Variants in GALNT14 observed in about 807,000 individuals in gnomAD.
The protein encoded by GALNT14 is UDP-GalNAc:polypeptide N-acetylgalactosaminyltransferase 14.
Under a neutral mutation model 77.5 loss-of-function variants are expected in GALNT14, and 60 were observed. The ratio of observed to expected loss-of-function variants is 0.77; its 90% CI spans 0.63 to 0.96. The LOEUF (loss-of-function observed/expected upper bound fraction) is 0.96. GALNT14 is among the 40% of genes least tolerant of loss of function. The pLI, the probability that GALNT14 is intolerant of heterozygous loss-of-function variation, is 0.00. For missense variants in GALNT14, 710 were observed against 731.0 expected, an observed-to-expected ratio of 0.97 and a Z score of 0.33; for synonymous variants, 280 against 281.7, an observed-to-expected ratio of 0.99 and a Z score of 0.06.
chr2:30,962,459 G>T, intron 3 of GALNT14, among the ~76,000 whole-genome samples: 1 of 152,210 alleles, frequency 6.6e-6, no homozygotes, highest in East Asian at 1.9e-4. Flanking sequence ...ATGCCTCAGA[G>T]CCCCCATGGG....
At chr2:31,065,836 C>T (rs1451282314) in intron 1 of GALNT14, among the ~76,000 whole-genome samples, 3 of 152,194 alleles carry the variant, frequency 2.0e-5, no homozygotes, top group East Asian at 1.9e-4. Flanking sequence ...AAGAGGCAGA[C>T]CTGGGTTTGA....
At chr2:31,035,638 C>T (rs867480533) in intron 1 of GALNT14, among the ~76,000 whole-genome samples, 87 of 144,988 alleles carry the variant, frequency 6.0e-4, no homozygotes, top group South Asian at 1.3e-3. Flanking sequence ...CACACACACA[C>T]ACACACACAC....
chr2:30,987,823 C>T (rs1669404150), intron 2 of GALNT14, among the ~76,000 whole-genome samples: 1 of 151,750 alleles, frequency 6.6e-6, no homozygotes, highest in South Asian at 2.1e-4. Context: ...GCAGCACTTG[C>T]TCTAATGCTC....
intron 1 of GALNT14, among the ~76,000 whole-genome samples, chr2:31,113,631 G>C (rs140554269): frequency 1.1e-3 from 169 of 152,274 alleles, no homozygotes; most frequent in Non-Finnish European, 1.9e-3. Context: ...GCTCCTACAA[G>C]GTATAGGAGC....
At chr2:31,121,912 G>A (rs1015249180) in intron 1 of GALNT14, among the ~76,000 whole-genome samples, 2 of 152,140 alleles carry the variant, frequency 1.3e-5, no homozygotes, top group African/African-American at 4.8e-5. Flanking sequence ...AATGCTTCCT[G>A]GCTTCCAGGA....
chr2:30,945,399 C>G (rs1290651635), intron 7 of GALNT14, among the ~76,000 whole-genome samples: 1 of 152,196 alleles, frequency 6.6e-6, no homozygotes, highest in Non-Finnish European at 1.5e-5. Context: ...TCTCCCCAAA[C>G]ATGCTCCCTT....
chr2:31,045,122 G>A (rs2148507161), intron 1 of GALNT14, among the ~76,000 whole-genome samples: 1 of 152,286 alleles, frequency 6.6e-6, no homozygotes, highest in East Asian at 1.9e-4. Flanking sequence ...GGTATAAGGT[G>A]CAGGCAGGGA....
chr2:30,966,353 T>G (rs1453687718), intron 2 of GALNT14, 51 bp from the exon 3 acceptor site: 2 of 1,375,354 alleles, frequency 1.5e-6, no homozygotes, highest in South Asian at 2.4e-5. Flanking sequence ...ACAAAGCATA[T>G]CTGGAGGGCT....
At chr2:31,112,749 G>A (rs555219361) in intron 1 of GALNT14, among the ~76,000 whole-genome samples, 1 of 152,294 alleles carries the variant, frequency 6.6e-6, no homozygotes, top group African/African-American at 2.4e-5. Flanking sequence ...CTGCCCTGAC[G>A]TCACTTCAAA....
chr2:31,075,175 A>G (rs1450077576), intron 1 of GALNT14, among the ~76,000 whole-genome samples: 1 of 152,176 alleles, frequency 6.6e-6, no homozygotes, highest in African/African-American at 2.4e-5. Flanking sequence ...CTGTGAACAG[A>G]GCACGTGAGA....
At chr2:31,057,103 C>A (rs1001186188) in intron 1 of GALNT14, among the ~76,000 whole-genome samples, 1 of 151,714 alleles carries the variant, frequency 6.6e-6, no homozygotes, top group African/African-American at 2.4e-5. Flanking sequence ...ACAAAGACAG[C>A]AACAATAGAC....
Position 30,910,815 on chromosome 2 carries a change from T to C in GALNT14, c.*86A>G. ...CCCAGTCCAGGATGTCTGAGGTGGT[T>C]GCAGGCTGCTTGCTGCCCAGTTTCC... On this transcript the variant is annotated 3_prime_UTR_variant, in exon 15 of 15. Transcript: ENST00000349752. 6.9e-7 allele frequency: 1 copy of C among 1,456,994 alleles called. No individual in the cohort carries two copies. The allele number at this position is 1,456,994 out of a possible 1,614,324, so 90.3% of individuals were successfully genotyped here.
Position 31,069,665 on chromosome 2 carries a change from C to T in GALNT14, c.129+68293G>A, listed in dbSNP as rs146464837. Among the ~76,000 whole-genome samples, 255 of 152,232 alleles carry T rather than the reference C, an allele frequency of 1.7e-3. 4 individuals are homozygous for T. The East Asian group carries it at 0.017, about 10-fold the overall frequency. On this transcript the variant is annotated intron_variant, in intron 1 of 14. Coordinates refer to ENST00000349752, the MANE Select transcript of GALNT14 (RefSeq NM_024572.4). ...TGGCAACTCAGGATCACAACCTCCC[C>T]GGAGCAGCAGGGCCTGAGCTTCCTG...
At chr2:31,078,812 T>G in intron 1 of GALNT14, 2 of 768,972 alleles carry the variant, frequency 2.6e-6, no homozygotes, top group Non-Finnish European at 3.7e-6. Context: ...GCACACAAGA[T>G]GAAGGCAAGG....
In GALNT14 at chr2:30,984,950, T is replaced by G. The variant is rs149945404; in HGVS notation, c.299+7888A>C. Among the ~76,000 whole-genome samples, 795 of 150,032 alleles carry G rather than the reference T, an allele frequency of 5.3e-3. 17 individuals are homozygous for G. Among genetic ancestry groups the G allele is most frequent in the South Asian group, 0.044 (214 of 4,820 alleles). ...ACACTGAGGGCAGGAAATTCGTGTATTAATTCCAAGAGCAAGGGTATGGCC... is the reference window on the plus strand; with the variant it reads ...ACACTGAGGGCAGGAAATTCGTGTAGTAATTCCAAGAGCAAGGGTATGGCC... On this transcript the variant is annotated intron_variant, in intron 2 of 14. Coordinates refer to ENST00000349752, the MANE Select transcript of GALNT14 (RefSeq NM_024572.4).
intron 1 of GALNT14, among the ~76,000 whole-genome samples, chr2:31,078,660 G>C (rs910185874): frequency 1.5e-4 from 23 of 152,316 alleles, no homozygotes; most frequent in Admixed American, 2.0e-4. Flanking sequence ...CCCTACAGAA[G>C]TACCAGAATC....
intron 1 of GALNT14, among the ~76,000 whole-genome samples, chr2:30,997,961 A>G (rs1670141759): frequency 6.6e-6 from 1 of 152,178 alleles, no homozygotes; most frequent in Non-Finnish European, 1.5e-5. Context: ...GGTAACCACC[A>G]TTCTACTCTC....
chr2:30,966,575 G>A (rs1294981838), intron 2 of GALNT14, among the ~76,000 whole-genome samples: 4 of 152,192 alleles, frequency 2.6e-5, no homozygotes, highest in Non-Finnish European at 4.4e-5. Flanking sequence ...GAAAATAAGT[G>A]TGGTATTTCT....
intron 2 of GALNT14, among the ~76,000 whole-genome samples, chr2:30,982,645 G>T (rs754001373): frequency 1.3e-5 from 2 of 152,184 alleles, no homozygotes; most frequent in South Asian, 4.1e-4. Context: ...TAGCCACGGA[G>T]AATTCTGATG....
Sources: allele counts gnomAD v4.1 joint callset (sites outside exome capture counted in the v4.1 genomes callset), GRCh38; gene constraint gnomAD v4.1.1; transcripts MANE v1.5; gene names NCBI Gene and HGNC (gene_info 2026-07-23, HGNC 2026-07-21).